The following OSBPL1A variants were observed in gnomAD, a reference collection of about 807,000 sequenced individuals.
OSBPL1A encodes the protein oxysterol binding protein like 1A.
Under a neutral mutation model 137.1 loss-of-function variants are expected in OSBPL1A, and 80 were observed. The observed-to-expected ratio is 0.58, with a 90% CI of 0.49 to 0.70. OSBPL1A has a LOEUF of 0.70. OSBPL1A is among the 30% of genes least tolerant of loss of function. The probability of loss-of-function intolerance (pLI) is 0.00; values close to 1 mark genes in which losing one functional copy is unlikely to be tolerated. For missense variants in OSBPL1A, 970 were observed against 1,129.4 expected, an observed-to-expected ratio of 0.86 and a Z score of 2.02; for synonymous variants, 365 against 389.7, an observed-to-expected ratio of 0.94 and a Z score of 0.75.
At chr18:24,391,448 G>T (rs1907348233) in intron 1 of OSBPL1A, among the ~76,000 whole-genome samples, 1 of 151,900 alleles carries the variant, frequency 6.6e-6, no homozygotes, top group Admixed American at 6.6e-5. Flanking sequence ...CAGGCCAGGT[G>T]TGATGGCTCA....
chr18:24,305,120 A>G (rs2090475669), intron 13 of OSBPL1A, among the ~76,000 whole-genome samples: 1 of 152,220 alleles, frequency 6.6e-6, no homozygotes, highest in Non-Finnish European at 1.5e-5. Flanking sequence ...GTGCAAGTCA[A>G]TGATACTGTT....
At chr18:24,348,295 TATA>T (rs34621633) in intron 4 of OSBPL1A, among the ~76,000 whole-genome samples, 3,111 of 152,280 alleles carry the variant, frequency 0.02, 47 homozygotes, top group Non-Finnish European at 0.031. Flanking sequence ...TCCAAGTAAA[TATA>T]ATAATACTCA....
In OSBPL1A at chr18:24,366,907, G is replaced by A. The variant is rs762445475; in HGVS notation, c.267C>T (p.Ala89=). The A allele has an allele frequency of 3.1e-6, 5 of 1,611,706 alleles. No individual in the cohort carries two copies. The South Asian group carries it at 4.4e-5, about 14-fold the overall frequency. Residue 89 remains alanine (A), a synonymous_variant, in exon 4 of 28, where the codon GCC becomes GCT. Coordinates refer to ENST00000319481, the MANE Select transcript of OSBPL1A (RefSeq NM_080597.4). ...DMGDTPLHRA[A]FTGRKELVML... ...TGATTTTCACCTTTCGTCCTGTAAA[G>A]GCAGCTCGATGAAGCGGCGTGTCTC...
At chr18:24,355,048 T>G in intron 4 of OSBPL1A, among the ~76,000 whole-genome samples, 1 of 152,166 alleles carries the variant, frequency 6.6e-6, no homozygotes, top group Non-Finnish European at 1.5e-5. Context: ...AGTGGCATTC[T>G]CACAGCAGCC....
At chr18:24,256,424 C>T (rs530988117) in intron 15 of OSBPL1A, among the ~76,000 whole-genome samples, 18 of 151,840 alleles carry the variant, frequency 1.2e-4, no homozygotes, top group Non-Finnish European at 2.6e-4. Context: ...TTCAACATCC[C>T]TTTATGACAA....
intron 14 of OSBPL1A, 32 bp downstream of exon 14, chr18:24,303,605 A>G (rs774171409): frequency 1.3e-6 from 2 of 1,551,858 alleles, no homozygotes; most frequent in Admixed American, 3.4e-5. Flanking sequence ...TGTGTTAAAG[A>G]GTGATTGTAG....
chr18:24,376,090 C>A (rs373246219), intron 2 of OSBPL1A, among the ~76,000 whole-genome samples: 1 of 152,110 alleles, frequency 6.6e-6, no homozygotes, highest in Admixed American at 6.6e-5. Context: ...AGCAAAAGAA[C>A]AAAGCTTCCA....
intron 15 of OSBPL1A, among the ~76,000 whole-genome samples, chr18:24,260,648 G>A (rs1451746110): frequency 6.6e-6 from 1 of 152,114 alleles, no homozygotes; most frequent in Non-Finnish European, 1.5e-5. Context: ...TGGGGATGGG[G>A]TACCAGAGAG....
intron 6 of OSBPL1A, among the ~76,000 whole-genome samples, chr18:24,333,469 T>C (rs1271284611): frequency 6.6e-6 from 1 of 152,226 alleles, no homozygotes; most frequent in Non-Finnish European, 1.5e-5. Context: ...GTTAAAACCA[T>C]AAATGTTAAA....
intron 15 of OSBPL1A, among the ~76,000 whole-genome samples, chr18:24,259,250 A>G (rs2089378770): frequency 6.6e-6 from 1 of 152,100 alleles, no homozygotes; most frequent in Admixed American, 6.5e-5. Context: ...TTTGTGCACA[A>G]CTGTATCCTA....
intron 11 of OSBPL1A, among the ~76,000 whole-genome samples, chr18:24,315,732 A>G (rs1286062127): frequency 8.2e-6 from 1 of 121,766 alleles, no homozygotes; most frequent in East Asian, 2.1e-4. Context: ...GTAATATATT[A>G]TATAATAAAA....
chr18:24,368,171 A>C (rs1905308027), intron 3 of OSBPL1A, 116 bp downstream of exon 3: 1 of 623,380 alleles, frequency 1.6e-6, no homozygotes, highest in African/African-American at 1.8e-5. Context: ...TGAATGATGA[A>C]CTATTGCTTT....
intron 17 of OSBPL1A, among the ~76,000 whole-genome samples, chr18:24,219,699 C>T (rs889026466): frequency 2.0e-5 from 3 of 152,124 alleles, no homozygotes; most frequent in African/African-American, 7.2e-5. Context: ...TAAAGAGTCT[C>T]AGCCCGTCTC....
chr18:24,166,530 T>TC (rs751607798), intron 26 of OSBPL1A, 49 bp downstream of exon 26: 205 of 1,571,968 alleles, frequency 1.3e-4, no homozygotes, highest in Non-Finnish European at 1.7e-4. Context: ...CAAAGCATCA[T>TC]CCCCCGAGAA....
chr18:24,232,034 C>T (rs2088300115), intron 16 of OSBPL1A, among the ~76,000 whole-genome samples: 1 of 152,186 alleles, frequency 6.6e-6, no homozygotes, highest in Non-Finnish European at 1.5e-5. Context: ...GAAACGCACA[C>T]ATGCTTAATT....
rs772571565 is a variant in OSBPL1A, at chr18:24,334,285, G to A, written c.440C>T (p.Ala147Val). The change falls in exon 6 of 28, where the codon GCA becomes GTA. Residue 147 changes from alanine (A) to valine (V), a missense_variant. By Grantham distance (64) the Ala-to-Val change is moderately conservative. Transcript: ENST00000319481. ...TGTTGTTTTGCCTTCTCTTGCTGCTGCTAAAAGTAATTCTTCAAGCTTTCT... is the reference window on the plus strand; with the variant it reads ...TGTTGTTTTGCCTTCTCTTGCTGCTACTAAAAGTAATTCTTCAAGCTTTCT... The part of the protein sequence containing the change: ...QQRKLEELLL[A>V]AAREGKTTEL... 3 of 1,611,718 alleles carry A rather than the reference G, an allele frequency of 1.9e-6. No homozygotes were observed. In the South Asian group the frequency reaches 3.3e-5, roughly 18 times the overall value.
intron 16 of OSBPL1A, among the ~76,000 whole-genome samples, chr18:24,230,125 A>G (rs998701479): frequency 6.6e-5 from 10 of 152,354 alleles, no homozygotes; most frequent in African/African-American, 2.4e-4. Context: ...TGGGTAATAT[A>G]TTAATGCCTT....
intron 17 of OSBPL1A, among the ~76,000 whole-genome samples, chr18:24,219,129 G>GAA (rs111996260): frequency 3.2e-4 from 47 of 149,044 alleles, no homozygotes; most frequent in African/African-American, 1.1e-3. Flanking sequence ...CTCATATCTG[G>GAA]AAAAAAAAAA....
chr18:24,171,098 G>A (rs1236086234), intron 23 of OSBPL1A, among the ~76,000 whole-genome samples: 1 of 150,838 alleles, frequency 6.6e-6, no homozygotes, highest in African/African-American at 2.4e-5. Flanking sequence ...GTGGTGGTGC[G>A]ATCTCGGCTC....
Sources: gnomAD v4.1 joint callset for allele counts (sites outside exome capture counted in the v4.1 genomes callset) on GRCh38, gnomAD v4.1.1 for gene constraint, MANE v1.5 for transcripts, NCBI Gene and HGNC (gene_info 2026-07-23, HGNC 2026-07-21) for gene names.